SLC30A8: variants seen among roughly 807,000 people sequenced by gnomAD.
The protein encoded by SLC30A8 is solute carrier family 30 member 8.
In SLC30A8, 27 loss-of-function variants were observed where a neutral mutation model predicts 36.9. That is an observed-to-expected ratio of 0.73 (90% confidence interval 0.54 to 1.01). SLC30A8 has a LOEUF of 1.01. Ranked by LOEUF, SLC30A8 falls within the 50% of genes least tolerant of loss-of-function variation. The pLI, the probability that SLC30A8 is intolerant of heterozygous loss-of-function variation, is 0.00. For missense variants in SLC30A8, 439 were observed against 452.0 expected (o/e 0.97, Z 0.26); for synonymous variants, 164 against 172.4 (o/e 0.95, Z 0.38).
chr8:116,968,590 T>C (rs1225469585), intron 1 of SLC30A8, among the ~76,000 whole-genome samples: 1 of 151,366 alleles, frequency 6.6e-6, no homozygotes, highest in African/African-American at 2.4e-5. Context: ...AAGCCTGCCA[T>C]TAGAGGGAAA....
chr8:117,139,728 G>A (rs1821555548), intron 1 of SLC30A8, among the ~76,000 whole-genome samples: 2 of 151,998 alleles, frequency 1.3e-5, no homozygotes, highest in African/African-American at 4.8e-5. Context: ...CAGTCAAAGT[G>A]AACACTACTA....
At chr8:117,040,693 A>G (rs981551201) in intron 2 of SLC30A8, among the ~76,000 whole-genome samples, 1 of 152,194 alleles carries the variant, frequency 6.6e-6, no homozygotes, top group Non-Finnish European at 1.5e-5. Context: ...ACTAATTTCA[A>G]ATTTGTTTTA....
intron 1 of SLC30A8, among the ~76,000 whole-genome samples, chr8:117,029,087 T>G (rs1158830846): frequency 6.6e-6 from 1 of 152,156 alleles, no homozygotes; most frequent in Non-Finnish European, 1.5e-5. Context: ...TTTCCAAAAT[T>G]TTCTAAACAG....
At chr8:117,040,812 G>A (rs746216192) in intron 2 of SLC30A8, among the ~76,000 whole-genome samples, 6 of 152,160 alleles carry the variant, frequency 3.9e-5, no homozygotes, top group Non-Finnish European at 7.3e-5. Context: ...CAGCTTCATA[G>A]CATCATCTAG....
intron 2 of SLC30A8, among the ~76,000 whole-genome samples, chr8:117,051,934 T>G (rs1383397189): frequency 4.6e-5 from 7 of 152,198 alleles, no homozygotes; most frequent in Non-Finnish European, 8.8e-5. Flanking sequence ...ATTGTAAGCC[T>G]CCTAAGGCCT....
At chr8:116,994,192 C>T (rs1023482450) in intron 1 of SLC30A8, among the ~76,000 whole-genome samples, 2 of 152,012 alleles carry the variant, frequency 1.3e-5, no homozygotes, top group Non-Finnish European at 2.9e-5. Context: ...AGCAACTGGA[C>T]CTCTGTGATT....
chr8:116,959,353 A>G (rs777305649), intron 1 of SLC30A8, among the ~76,000 whole-genome samples: 1 of 152,182 alleles, frequency 6.6e-6, no homozygotes, highest in Non-Finnish European at 1.5e-5. Flanking sequence ...TTTAAAGCAT[A>G]TAGAATAATT....
chr8:117,035,387 C>T (rs1345596366), intron 1 of SLC30A8, among the ~76,000 whole-genome samples: 1 of 152,246 alleles, frequency 6.6e-6, no homozygotes, highest in Non-Finnish European at 1.5e-5. Context: ...CCCAGCAGGG[C>T]CATCATTAAA....
chr8:117,135,324 C>A lies in SLC30A8; in HGVS notation c.-4C>A. ...AACAACAGCCGCAGCTCATCCTGGCCGTCATGGAGTTTCTTGAAAGAACGT... is the reference window on the plus strand; with the variant it reads ...AACAACAGCCGCAGCTCATCCTGGCAGTCATGGAGTTTCTTGAAAGAACGT... On this transcript the variant is annotated 5_prime_UTR_variant, in exon 1 of 8. Coordinates refer to ENST00000456015, the MANE Select transcript of SLC30A8 (RefSeq NM_173851.3). 6.3e-7 allele frequency: 1 copy of A among 1,586,896 alleles called. No individual in the cohort carries two copies. Among genetic ancestry groups the A allele is most frequent in the Non-Finnish European group, 8.6e-7 (1 of 1,163,564 alleles).
chr8:117,119,658 C>T (rs937320421), intron 2 of SLC30A8, among the ~76,000 whole-genome samples: 5 of 151,898 alleles, frequency 3.3e-5, no homozygotes, highest in Admixed American at 6.6e-5. Flanking sequence ...TAATATATAA[C>T]GCCTTATCCT....
chr8:116,981,234 G>A (rs1174319887), intron 1 of SLC30A8, among the ~76,000 whole-genome samples: 1 of 152,182 alleles, frequency 6.6e-6, no homozygotes, highest in African/African-American at 2.4e-5. Context: ...TGTGGTAGCT[G>A]CACTTTTTGC....
intron 1 of SLC30A8, among the ~76,000 whole-genome samples, chr8:116,987,324 G>A (rs1017260633): frequency 2.6e-5 from 4 of 151,592 alleles, no homozygotes; most frequent in Non-Finnish European, 5.9e-5. Flanking sequence ...ATAGCATTAG[G>A]AGATATACCT....
At chr8:116,954,152 C>T (rs536936375) in intron 1 of SLC30A8, among the ~76,000 whole-genome samples, 5 of 152,214 alleles carry the variant, frequency 3.3e-5, no homozygotes, top group African/African-American at 1.2e-4. Flanking sequence ...AGATAATGCC[C>T]TCATTTTTAG....
At chr8:117,059,316 T>G (rs1362955841) in intron 2 of SLC30A8, among the ~76,000 whole-genome samples, 1 of 152,178 alleles carries the variant, frequency 6.6e-6, no homozygotes, top group Non-Finnish European at 1.5e-5. Flanking sequence ...AGCATGTATA[T>G]AGGCAGGAAA....
Position 117,135,270 on chromosome 8 carries a change from A to G in SLC30A8, c.-58A>G. The G allele has an allele frequency of 5.2e-6, 7 of 1,340,122 alleles. No homozygotes were observed. In the South Asian group the frequency reaches 9.9e-5, roughly 19 times the overall value. 83.0% of individuals were successfully genotyped at this position (1,340,122 alleles called of 1,614,324 possible). A position where few individuals can be genotyped will look rare whatever the true frequency, so the allele number is the denominator to read the frequency against. On this transcript the variant is annotated 5_prime_UTR_variant, in exon 1 of 8. Transcript: ENST00000456015. ...AATTGCAGTGCTGCTTTGCTTCCAAAACTGGGCAGTGAGTTCAACAACAAC... is the reference window on the plus strand; with the variant it reads ...AATTGCAGTGCTGCTTTGCTTCCAAGACTGGGCAGTGAGTTCAACAACAAC...
intron 2 of SLC30A8, among the ~76,000 whole-genome samples, chr8:117,113,725 A>ATGTAT (rs1479510373): frequency 1.3e-5 from 2 of 152,120 alleles, no homozygotes; most frequent in Admixed American, 6.6e-5. Flanking sequence ...TAGACATTTT[A>ATGTAT]TGTATTCAAC....
chr8:117,146,979 A>C lies in SLC30A8; in HGVS notation c.97A>C (p.Asn33His). The C allele has an allele frequency of 6.2e-7, 1 of 1,614,086 alleles. No homozygotes were observed. The highest frequency in any genetic ancestry group is 1.7e-5 in the Admixed American group (1 of 60,014). Residue 33 changes from asparagine (N) to histidine (H), a missense_variant, in exon 2 of 8, where the codon AAT becomes CAT. Coordinates refer to ENST00000456015, the MANE Select transcript of SLC30A8 (RefSeq NM_173851.3). The part of the protein sequence containing the change: ...ESVELQQKPV[N>H]KDQCPRERPE... ...TGTGGAACTCCAACAGAAACCGGTG[A>C]ATAAAGATCAGTGTCCCAGAGAGAG...
chr8:117,014,294 T>C (rs1165972865), intron 1 of SLC30A8, among the ~76,000 whole-genome samples: 1 of 151,962 alleles, frequency 6.6e-6, no homozygotes, highest in Non-Finnish European at 1.5e-5. Flanking sequence ...CAGTCCTTCT[T>C]AGTTTCCAGA....
intron 2 of SLC30A8, among the ~76,000 whole-genome samples, chr8:117,115,130 G>C (rs946024552): frequency 1.3e-5 from 2 of 151,996 alleles, no homozygotes; most frequent in Non-Finnish European, 2.9e-5. Context: ...TGTAGAGACA[G>C]GGTCTCATTC....
Sources: allele counts gnomAD v4.1 joint callset (sites outside exome capture counted in the v4.1 genomes callset), GRCh38; gene constraint gnomAD v4.1.1; transcripts MANE v1.5; gene names NCBI Gene and HGNC (gene_info 2026-07-23, HGNC 2026-07-21).